The following LCLAT1 variants were observed in gnomAD, a reference collection of about 807,000 sequenced individuals.
LCLAT1 encodes lysocardiolipin acyltransferase 1.
A neutral mutation model predicts 30.7 loss-of-function variants in LCLAT1; 11 were observed. The observed-to-expected ratio is 0.36, with a 90% CI of 0.23 to 0.59. The LOEUF (loss-of-function observed/expected upper bound fraction) is 0.59, where lower values mean the gene tolerates loss of function less well. Among genes scored for constraint, LCLAT1 ranks in the 20% least tolerant of loss-of-function variants. LCLAT1 has a pLI of 0.77. For missense variants in LCLAT1, 402 were observed against 458.6 expected, an observed-to-expected ratio of 0.88 and a Z score of 1.13; for synonymous variants, 155 against 151.3, an observed-to-expected ratio of 1.02 and a Z score of -0.18.
At chr2:30,493,070 C>G (rs1029949717) in intron 1 of LCLAT1, among the ~76,000 whole-genome samples, 2 of 152,164 alleles carry the variant, frequency 1.3e-5, no homozygotes, top group African/African-American at 4.8e-5. Context: ...ACACCTCCCT[C>G]CCAGGGGTGG....
At chr2:30,466,793 A>G (rs2148283756) in intron 1 of LCLAT1, among the ~76,000 whole-genome samples, 2 of 152,262 alleles carry the variant, frequency 1.3e-5, no homozygotes, top group South Asian at 2.1e-4. Flanking sequence ...TATGGGAACT[A>G]CAAGTCTTAT....
In LCLAT1 at chr2:30,591,899, T is replaced by TA. The variant is rs561235561; in HGVS notation, c.628+23724dup. Among the ~76,000 whole-genome samples, 93 of 152,326 alleles carry TA rather than the reference T, an allele frequency of 6.1e-4. 1 individual carries two copies. Among genetic ancestry groups the TA allele is most frequent in the African/African-American group, 2.1e-3 (88 of 41,580 alleles). The stretch of plus-strand genomic sequence containing the variant: ...CTTGCCTCACGCCTTCTACCATAGT[T>TA]AGTCACTCCTTCCTTTGAATGTTCC... On this transcript the variant is annotated intron_variant, in intron 5 of 5. Coordinates refer to ENST00000379509, the MANE Select transcript of LCLAT1 (RefSeq NM_001002257.3).
Position 30,568,258 on chromosome 2 carries a change from A to C in LCLAT1, c.628+82A>C. The stretch of plus-strand genomic sequence containing the variant: ...TTATATATAGCCCTTTAGAGTTTGT[A>C]AAGGATTTTTTACTACTTTGTCTCA... On this transcript the variant is annotated intron_variant, in intron 5 of 5. Coordinates refer to ENST00000379509, the MANE Select transcript of LCLAT1 (RefSeq NM_001002257.3). The C allele has an allele frequency of 4.8e-6, 3 of 618,924 alleles. No individual in the cohort carries two copies. The South Asian group carries it at 8.2e-5, about 17-fold the overall frequency. The allele number at this position is 618,924 out of a possible 1,614,324, so 38.3% of individuals were successfully genotyped here.
rs1043177605 is a variant in LCLAT1, at chr2:30,466,530, T to C, written c.-5+19147T>C. Among the ~76,000 whole-genome samples, 3 of 152,358 alleles carry C rather than the reference T, an allele frequency of 2.0e-5. No homozygotes were observed. The South Asian group carries it at 6.2e-4, about 32-fold the overall frequency. On this transcript the variant is annotated intron_variant, in intron 1 of 5. Transcript: ENST00000379509. ...TGCATTGCTTAGTTTATGTTCTGTTTATTTAAATACTATTTTAGAAACTAT... is the reference window on the plus strand; with the variant it reads ...TGCATTGCTTAGTTTATGTTCTGTTCATTTAAATACTATTTTAGAAACTAT...
chr2:30,511,373 C>A, intron 1 of LCLAT1, among the ~76,000 whole-genome samples: 1 of 152,214 alleles, frequency 6.6e-6, no homozygotes, highest in Admixed American at 6.5e-5. Context: ...GAGTACACTC[C>A]TGTCTTCTGC....
chr2:30,593,064 C>T (rs1330321737), intron 5 of LCLAT1, among the ~76,000 whole-genome samples: 1 of 152,198 alleles, frequency 6.6e-6, no homozygotes, highest in African/African-American at 2.4e-5. Context: ...TCCCTCCCGA[C>T]TTTCCCCTTC....
At chr2:30,568,726 C>T (rs1665631053) in intron 5 of LCLAT1, among the ~76,000 whole-genome samples, 1 of 150,968 alleles carries the variant, frequency 6.6e-6, no homozygotes, top group Non-Finnish European at 1.5e-5. Flanking sequence ...CCGGGATGGT[C>T]TCGATTTCCT....
intron 1 of LCLAT1, among the ~76,000 whole-genome samples, chr2:30,448,209 A>G (rs940711272): frequency 6.6e-6 from 1 of 152,244 alleles, no homozygotes; most frequent in African/African-American, 2.4e-5. Context: ...CAAGAAAAGT[A>G]TTGAAGATAT....
intron 5 of LCLAT1, among the ~76,000 whole-genome samples, chr2:30,569,706 A>AC (rs1441772170): frequency 6.6e-6 from 1 of 152,232 alleles, no homozygotes; most frequent in Non-Finnish European, 1.5e-5. Context: ...CATATTTATA[A>AC]CCAAGTACCC....
At chr2:30,526,700 A>G (rs1444411764) in intron 2 of LCLAT1, among the ~76,000 whole-genome samples, 1 of 152,090 alleles carries the variant, frequency 6.6e-6, no homozygotes, top group African/African-American at 2.4e-5. Flanking sequence ...ATTGTCTACC[A>G]CGTACCTAGC....
chr2:30,628,251 T>G (rs1336237621), intron 5 of LCLAT1, among the ~76,000 whole-genome samples: 1 of 152,200 alleles, frequency 6.6e-6, no homozygotes, highest in African/African-American at 2.4e-5. Flanking sequence ...AACTGAAATT[T>G]ATTAGAAGAC....
intron 3 of LCLAT1, 118 bp downstream of exon 3, chr2:30,533,432 ATC>A (rs2148396953): frequency 2.5e-6 from 2 of 799,116 alleles, no homozygotes; most frequent in East Asian, 4.9e-5. Context: ...GCCAAAAACA[ATC>A]TCTGGTTCTT....
intron 2 of LCLAT1, among the ~76,000 whole-genome samples, chr2:30,531,838 T>A (rs950951118): frequency 1.3e-5 from 2 of 152,184 alleles, no homozygotes; most frequent in African/African-American, 4.8e-5. Context: ...TGCCTTTTTG[T>A]TGTGAAGTAT....
chr2:30,624,405 A>T (rs543060033), intron 5 of LCLAT1, among the ~76,000 whole-genome samples: 1 of 152,330 alleles, frequency 6.6e-6, no homozygotes, highest in Admixed American at 6.5e-5. Context: ...ACATAAACTT[A>T]AGGTAAAGGG....
intron 5 of LCLAT1, among the ~76,000 whole-genome samples, chr2:30,609,977 A>G (rs1240303351): frequency 6.6e-6 from 1 of 152,092 alleles, no homozygotes; most frequent in Non-Finnish European, 1.5e-5. Context: ...TTTTGATGTG[A>G]TGAATGCATG....
chr2:30,638,479 A>G (rs966962369), intron 5 of LCLAT1, among the ~76,000 whole-genome samples: 1 of 152,198 alleles, frequency 6.6e-6, no homozygotes, highest in African/African-American at 2.4e-5. Context: ...ATCAGCACAG[A>G]TTAGTTTTGT....
intron 5 of LCLAT1, among the ~76,000 whole-genome samples, chr2:30,584,381 G>C (rs1002556837): frequency 3.9e-5 from 6 of 152,160 alleles, no homozygotes; most frequent in Non-Finnish European, 5.9e-5. Flanking sequence ...AACTGTTCTG[G>C]CTGGCTGAAT....
At chr2:30,621,054 T>C (rs1160842925) in intron 5 of LCLAT1, among the ~76,000 whole-genome samples, 1 of 152,168 alleles carries the variant, frequency 6.6e-6, no homozygotes, top group African/African-American at 2.4e-5. Context: ...ATGATCCTAT[T>C]TCCAAGTAAG....
intron 5 of LCLAT1, among the ~76,000 whole-genome samples, chr2:30,611,130 T>C (rs768505945): frequency 6.6e-6 from 1 of 151,966 alleles, no homozygotes; most frequent in African/African-American, 2.4e-5. Flanking sequence ...ATTAGCATTT[T>C]TCTTCTGGCC....
Sources: allele counts gnomAD v4.1 joint callset (sites outside exome capture counted in the v4.1 genomes callset), GRCh38; gene constraint gnomAD v4.1.1; transcripts MANE v1.5; gene names NCBI Gene and HGNC (gene_info 2026-07-23, HGNC 2026-07-21).